Variants in TCF7L2 observed in about 807,000 individuals in gnomAD.
TCF7L2 encodes transcription factor 7-like 2.
In TCF7L2, 23 loss-of-function variants were observed where a neutral mutation model predicts 77.9. The ratio of observed to expected loss-of-function variants is 0.30; its 90% CI spans 0.21 to 0.42. The LOEUF (loss-of-function observed/expected upper bound fraction) is 0.42, where lower values mean the gene tolerates loss of function less well. Among genes scored for constraint, TCF7L2 ranks in the 10% least tolerant of loss-of-function variants. The probability of loss-of-function intolerance (pLI) is 1.00; values close to 1 mark genes in which losing one functional copy is unlikely to be tolerated. For synonymous variants in TCF7L2, 413 were observed against 340.2 expected (o/e 1.21, Z -2.36); for missense variants, 654 against 793.1 (o/e 0.82, Z 2.11).
At chr10:113,078,520 G>C (rs11196217) in intron 5 of TCF7L2, among the ~76,000 whole-genome samples, 34,522 of 152,020 alleles carry the variant, frequency 0.23, 4,376 homozygotes, top group South Asian at 0.33. Flanking sequence ...TGAGACTACA[G>C]TCATGTGCCA....
intron 8 of TCF7L2, among the ~76,000 whole-genome samples, chr10:113,147,344 A>G (rs988658881): frequency 1.3e-5 from 2 of 152,224 alleles, no homozygotes; most frequent in Non-Finnish European, 2.9e-5. Context: ...TCCTACTTAC[A>G]AAACAGTAAC....
intron 5 of TCF7L2, among the ~76,000 whole-genome samples, chr10:113,053,947 C>A (rs973710092): frequency 6.6e-6 from 1 of 152,186 alleles, no homozygotes; most frequent in Non-Finnish European, 1.5e-5. Flanking sequence ...ACATCGGAGC[C>A]AGGACTCTCA....
chr10:113,132,996 G>C (rs942313585), intron 5 of TCF7L2: 1 of 152,236 alleles, frequency 6.6e-6, no homozygotes, highest in African/African-American at 2.4e-5. Context: ...GATCAGGGGC[G>C]AGCCTGGACC....
In TCF7L2 at chr10:112,955,838, TG is replaced by T. The variant is rs532776774; in HGVS notation, c.381+4232del. Among the ~76,000 whole-genome samples the T allele has an allele frequency of 5.5e-3, 832 of 152,118 alleles. 5 individuals are homozygous for T. The highest frequency in any genetic ancestry group is 0.019 in the African/African-American group (784 of 41,496). On this transcript the variant is annotated intron_variant, in intron 3 of 13. Coordinates refer to ENST00000627217, the MANE Select transcript of TCF7L2 (RefSeq NM_001146274.2). ...GGATCGCTGCAGTTCTGCACGCCAT[TG>T]AAAAAAATATTTGCTTTAGAAAACT...
chr10:113,013,684 C>T (rs938129708), intron 4 of TCF7L2, among the ~76,000 whole-genome samples: 1 of 152,132 alleles, frequency 6.6e-6, no homozygotes, highest in African/African-American at 2.4e-5. Flanking sequence ...CTAGGCCCCT[C>T]CTTGGAAAGA....
chr10:112,950,888 C>A lies in TCF7L2; in HGVS notation c.132C>A (p.Val44=). 2 of 1,612,260 alleles carry A rather than the reference C, an allele frequency of 1.2e-6. No individual in the cohort carries two copies. Among genetic ancestry groups the A allele is most frequent in the Admixed American group, 1.7e-5 (1 of 59,680 alleles). ...CGGCAGAGAGGGATTTAGCTGATGT[C>A]AAATCGTCTCTAGTCAATGAATCAG... Residue 44 remains valine, a synonymous_variant, in exon 1 of 14, where the codon GTC becomes GTA. Transcript: ENST00000627217.
intron 5 of TCF7L2, among the ~76,000 whole-genome samples, chr10:113,128,292 A>G (rs929254534): frequency 3.3e-5 from 5 of 152,164 alleles, no homozygotes; most frequent in African/African-American, 1.2e-4. Context: ...AAAAAGAAGA[A>G]AAGAAGAAAT....
At chr10:113,161,194 CAT>C (rs1299278141) in intron 13 of TCF7L2, 2 of 252,542 alleles carry the variant, frequency 7.9e-6, no homozygotes, top group African/African-American at 2.2e-5. Context: ...TTAAAAACCA[CAT>C]GTCTGTACGG....
intron 11 of TCF7L2, among the ~76,000 whole-genome samples, chr10:113,155,964 C>T (rs1339756484): frequency 6.6e-6 from 1 of 152,202 alleles, no homozygotes; most frequent in Non-Finnish European, 1.5e-5. Context: ...AAACAAAGCT[C>T]CCAAGTTGCA....
chr10:112,962,179 G>T (rs1564714856), intron 3 of TCF7L2, among the ~76,000 whole-genome samples: 1 of 152,058 alleles, frequency 6.6e-6, no homozygotes, highest in Non-Finnish European at 1.5e-5. Flanking sequence ...TTAGTTATCA[G>T]GTGTCCACTC....
intron 5 of TCF7L2, among the ~76,000 whole-genome samples, chr10:113,123,922 A>T (rs1191707470): frequency 6.6e-6 from 1 of 152,198 alleles, no homozygotes; most frequent in African/African-American, 2.4e-5. Context: ...TATTCCAAAA[A>T]CTTGTTGGAT....
chr10:113,112,887 G>T (rs2063305992), intron 5 of TCF7L2, among the ~76,000 whole-genome samples: 1 of 152,088 alleles, frequency 6.6e-6, no homozygotes, highest in African/African-American at 2.4e-5. Context: ...CTTTTAAAAA[G>T]AATAAAATAA....
At chr10:113,069,916 G>A (rs2057736794) in intron 5 of TCF7L2, among the ~76,000 whole-genome samples, 1 of 152,066 alleles carries the variant, frequency 6.6e-6, no homozygotes, top group Non-Finnish European at 1.5e-5. Flanking sequence ...CACATGGCTG[G>A]TCGGTGTCAG....
chr10:113,055,192 A>G (rs1235521358), intron 5 of TCF7L2, among the ~76,000 whole-genome samples: 2 of 152,242 alleles, frequency 1.3e-5, no homozygotes, highest in African/African-American at 2.4e-5. Flanking sequence ...GCTATTGTCA[A>G]GCTCTCCAGA....
intron 5 of TCF7L2, among the ~76,000 whole-genome samples, chr10:113,068,865 C>A (rs1350871865): frequency 2.0e-5 from 3 of 152,032 alleles, no homozygotes; most frequent in Non-Finnish European, 4.4e-5. Context: ...CTCTTGGACT[C>A]CTCCTTACAT....
At chr10:113,111,476 T>A (rs1201395714) in intron 5 of TCF7L2, among the ~76,000 whole-genome samples, 1 of 152,152 alleles carries the variant, frequency 6.6e-6, no homozygotes, top group Non-Finnish European at 1.5e-5. Context: ...CAATAATTCC[T>A]CCTCCTCATT....
At chr10:112,986,080 T>C (rs1257131500) in intron 4 of TCF7L2, among the ~76,000 whole-genome samples, 2 of 151,936 alleles carry the variant, frequency 1.3e-5, no homozygotes, top group African/African-American at 4.8e-5. Context: ...GCTCCCACCT[T>C]TACAGAAACA....
intron 4 of TCF7L2, among the ~76,000 whole-genome samples, chr10:112,988,538 T>C (rs904861781): frequency 9.2e-5 from 14 of 152,354 alleles, no homozygotes; most frequent in Admixed American, 3.9e-4. Flanking sequence ...CTTTTGGAGA[T>C]AGGCCGAGTG....
At chr10:113,065,858 G>T (rs2057174092) in intron 5 of TCF7L2, among the ~76,000 whole-genome samples, 1 of 152,182 alleles carries the variant, frequency 6.6e-6, no homozygotes, top group Admixed American at 6.5e-5. Flanking sequence ...ATGTTGCTTT[G>T]CCCAATGCTT....
Sources: allele counts gnomAD v4.1 joint callset (sites outside exome capture counted in the v4.1 genomes callset), GRCh38; gene constraint gnomAD v4.1.1; transcripts MANE v1.5; gene names NCBI Gene and HGNC (gene_info 2026-07-23, HGNC 2026-07-21).